The following RHAG variants were observed in gnomAD, a reference collection of about 807,000 sequenced individuals.
The protein encoded by RHAG is ammonium transporter Rh type A.
Under a neutral mutation model 42.4 loss-of-function variants are expected in RHAG, and 25 were observed. The observed-to-expected ratio is 0.59, with a 90% CI of 0.43 to 0.82. The LOEUF (loss-of-function observed/expected upper bound fraction) is 0.82, where lower values mean the gene tolerates loss of function less well. Among genes scored for constraint, RHAG ranks in the 40% least tolerant of loss-of-function variants. The pLI is 0.00. For synonymous variants in RHAG, 182 were observed against 177.7 expected (o/e 1.02, Z -0.19); for missense variants, 483 against 504.6 (o/e 0.96, Z 0.41).
At chr6:49,623,782 A>G (rs979545444) in intron 1 of RHAG, among the ~76,000 whole-genome samples, 1 of 152,242 alleles carries the variant, frequency 6.6e-6, no homozygotes. Flanking sequence ...AGAAACCCTC[A>G]TCTAAATCAA....
rs115284394 is a variant in RHAG, at chr6:49,610,270, A to T, written c.1067+754T>A. On this transcript the variant is annotated intron_variant, in intron 7 of 9. Transcript: ENST00000371175. ...AAAATTGAGCATTCTGATTTTTCTTAATTTACTCTGTGTGATCTGGACTCT... is the reference window on the plus strand; with the variant it reads ...AAAATTGAGCATTCTGATTTTTCTTTATTTACTCTGTGTGATCTGGACTCT... 8.0e-3 allele frequency among the ~76,000 whole-genome samples: 1,217 copies of T among 152,254 alleles called. 18 individuals carry two copies. The highest frequency in any genetic ancestry group is 0.027 in the African/African-American group (1,140 of 41,550).
intron 1 of RHAG, among the ~76,000 whole-genome samples, chr6:49,620,601 G>A (rs1010104147): frequency 4.6e-5 from 7 of 151,896 alleles, no homozygotes; most frequent in Admixed American, 2.0e-4. Context: ...GCATGAACTC[G>A]GCTCACTGCA....
intron 1 of RHAG, among the ~76,000 whole-genome samples, chr6:49,620,385 A>G (rs766326196): frequency 1.2e-4 from 19 of 152,206 alleles, no homozygotes; most frequent in Non-Finnish European, 2.2e-4. Context: ...TTAAGTTGGT[A>G]AGACATATAT....
rs548542781 is a variant in RHAG, at chr6:49,627,020, C to A, written c.158-7658G>T. On this transcript the variant is annotated intron_variant, in intron 1 of 9. Coordinates refer to ENST00000371175, the MANE Select transcript of RHAG (RefSeq NM_000324.3). ...GAAGCCCTGGGCCTGGCCCATGAAG[C>A]CATTTTTCCCTCTTAGGCCTCCTGG... 2.6e-3 allele frequency among the ~76,000 whole-genome samples: 391 copies of A among 152,336 alleles called. 1 individual carries two copies. Among genetic ancestry groups the A allele is most frequent in the African/African-American group, 8.8e-3 (368 of 41,586 alleles).
chr6:49,605,725 G>A lies in RHAG; in HGVS notation c.*88C>T. Reference sequence around the variant, plus strand: ...TTATTTGGACTTGATTCTGGATAATGGGAAAGGAAGCTGGAGAGCAGGAAT... The same window carrying A: ...TTATTTGGACTTGATTCTGGATAATAGGAAAGGAAGCTGGAGAGCAGGAAT... On this transcript the variant is annotated 3_prime_UTR_variant, in exon 10 of 10. Transcript: ENST00000371175. 2 of 1,208,906 alleles carry A rather than the reference G, an allele frequency of 1.7e-6. No homozygotes were observed. The highest frequency in any genetic ancestry group is 2.5e-6 in the Non-Finnish European group (2 of 810,166). The allele number at this position is 1,208,906 out of a possible 1,614,324, so 74.9% of individuals were successfully genotyped here.
chr6:49,616,354 C>CAAA (rs34416373), intron 3 of RHAG, among the ~76,000 whole-genome samples: 101 of 108,760 alleles, frequency 9.3e-4, no homozygotes, highest in African/African-American at 2.5e-3. Context: ...AATCTCAAAC[C>CAAA]AAAAAAAAAA....
At chr6:49,631,600 A>G (rs1191834061) in intron 1 of RHAG, among the ~76,000 whole-genome samples, 1 of 152,088 alleles carries the variant, frequency 6.6e-6, no homozygotes. Flanking sequence ...GTTAGTCTTT[A>G]AGCACTTGGG....
intron 1 of RHAG, among the ~76,000 whole-genome samples, chr6:49,628,115 C>T (rs1364691437): frequency 1.4e-5 from 2 of 146,346 alleles, no homozygotes; most frequent in African/African-American, 5.1e-5. Flanking sequence ...CATCTCACAC[C>T]CAACACTTTG....
At chr6:49,632,561 T>C (rs1456165402) in intron 1 of RHAG, among the ~76,000 whole-genome samples, 1 of 152,198 alleles carries the variant, frequency 6.6e-6, no homozygotes, top group African/African-American at 2.4e-5. Context: ...TATGGAAATA[T>C]GTCAACATTT....
Position 49,616,375 on chromosome 6 carries a change from A to T in RHAG, c.493-604T>A, listed in dbSNP as rs1212059705. Among the ~76,000 whole-genome samples, 6 of 147,482 alleles carry T rather than the reference A, an allele frequency of 4.1e-5. No individual in the cohort carries two copies. The South Asian group carries it at 1.3e-3, about 32-fold the overall frequency. Reference sequence around the variant, plus strand: ...AAACCAAAAAAAAAAAAAAAAAAAAAGATACTGCTTGCGATACAAAATGAA... The same window carrying T: ...AAACCAAAAAAAAAAAAAAAAAAAATGATACTGCTTGCGATACAAAATGAA... On this transcript the variant is annotated intron_variant, in intron 3 of 9. Coordinates refer to ENST00000371175, the MANE Select transcript of RHAG (RefSeq NM_000324.3).
chr6:49,620,840 CTT>C (rs1289828785), intron 1 of RHAG, among the ~76,000 whole-genome samples: 1 of 152,132 alleles, frequency 6.6e-6, no homozygotes, highest in East Asian at 1.9e-4. Context: ...CCCATAGTCT[CTT>C]TTAAATTAAA....
intron 7 of RHAG, among the ~76,000 whole-genome samples, chr6:49,608,852 T>C (rs1282864949): frequency 6.6e-6 from 1 of 152,174 alleles, no homozygotes; most frequent in Non-Finnish European, 1.5e-5. Flanking sequence ...ATGAGTGAAG[T>C]TGAGTATTTT....
chr6:49,632,018 C>T (rs1238201565), intron 1 of RHAG: 2 of 151,882 alleles, frequency 1.3e-5, no homozygotes, highest in Admixed American at 1.3e-4. Context: ...TCAGTGGTTC[C>T]CAAACTGTGA....
At chr6:49,625,841 G>T (rs1476614572) in intron 1 of RHAG, among the ~76,000 whole-genome samples, 1 of 152,142 alleles carries the variant, frequency 6.6e-6, no homozygotes, top group Non-Finnish European at 1.5e-5. Flanking sequence ...GGCTGGGGAG[G>T]CCTCACAATC....
intron 8 of RHAG, 75 bp from the exon 9 acceptor site, chr6:49,606,996 C>G (rs760252035): frequency 9.8e-6 from 12 of 1,228,378 alleles, no homozygotes; most frequent in African/African-American, 1.5e-5. Context: ...AGCTTATATA[C>G]TATTATAAAA....
chr6:49,608,380 A>G (rs74656583), intron 7 of RHAG, among the ~76,000 whole-genome samples: 6,367 of 152,248 alleles, frequency 0.042, 173 homozygotes, highest in South Asian at 0.11. Flanking sequence ...GTAAAAGGCT[A>G]CATATACCTC....
At chr6:49,621,749 A>G (rs1762762561) in intron 1 of RHAG, among the ~76,000 whole-genome samples, 1 of 152,216 alleles carries the variant, frequency 6.6e-6, no homozygotes, top group Non-Finnish European at 1.5e-5. Flanking sequence ...CATGATTCTT[A>G]GTATGGTTTT....
chr6:49,623,951 G>A (rs987605620), intron 1 of RHAG, among the ~76,000 whole-genome samples: 1 of 152,240 alleles, frequency 6.6e-6, no homozygotes, highest in Admixed American at 6.5e-5. Flanking sequence ...GCAGCGGGGA[G>A]GGAACCAGGT....
Position 49,614,836 on chromosome 6 carries a change from T to C in RHAG, c.658A>G (p.Met220Val). Residue 220 changes from methionine (M) to valine (V), a missense_variant, in exon 5 of 10, where the codon ATG becomes GTG. By Grantham distance (21) the Met-to-Val change is conservative. Transcript: ENST00000371175. ...FAMIGTLFLW[M>V]FWPSFNSAIA... ...GCCGAGTTAAAGCTGGGCCAAAACATCCACAGAAAGAGAGTCCCTGTAGTG... is the reference window on the plus strand; with the variant it reads ...GCCGAGTTAAAGCTGGGCCAAAACACCCACAGAAAGAGAGTCCCTGTAGTG... The C allele has an allele frequency of 1.2e-6, 2 of 1,614,158 alleles. No homozygotes were observed. Among genetic ancestry groups the C allele is most frequent in the Non-Finnish European group, 8.5e-7 (1 of 1,180,020 alleles).
Sources: allele counts gnomAD v4.1 joint callset (sites outside exome capture counted in the v4.1 genomes callset), GRCh38; gene constraint gnomAD v4.1.1; transcripts MANE v1.5; gene names NCBI Gene and HGNC (gene_info 2026-07-23, HGNC 2026-07-21).